Variants in ERP27 observed in about 807,000 individuals in gnomAD.
ERP27 encodes endoplasmic reticulum protein 27.
ERP27 carries 23 observed loss-of-function variants against 27.7 expected under a neutral mutation model. That is an observed-to-expected ratio of 0.83 (90% CI 0.60 to 1.18). The LOEUF is 1.18. Ranked by LOEUF, ERP27 falls within the 50% of genes most tolerant of loss-of-function variation. ERP27 has a pLI of 0.00. For synonymous variants in ERP27, 159 were observed against 118.3 expected, an observed-to-expected ratio of 1.34 and a Z score of -2.23; for missense variants, 363 against 327.9, an observed-to-expected ratio of 1.11 and a Z score of -0.83.
chr12:14,921,866 G>A (rs1170723463), intron 3 of ERP27, among the ~76,000 whole-genome samples: 1 of 151,724 alleles, frequency 6.6e-6, no homozygotes, highest in Non-Finnish European at 1.5e-5. Context: ...ATAACTTAAA[G>A]ATGCTTCTTT....
intron 3 of ERP27, among the ~76,000 whole-genome samples, chr12:14,929,628 T>C (rs1330943494): frequency 6.6e-6 from 1 of 152,194 alleles, no homozygotes; most frequent in Non-Finnish European, 1.5e-5. Flanking sequence ...AATAGTAAAC[T>C]GGAAATATTG....
rs953527254 is a variant in ERP27, at chr12:14,914,558, C to G, written c.*177G>C. 13 of 353,722 alleles carry G rather than the reference C, an allele frequency of 3.7e-5. No homozygotes were observed. The highest frequency in any genetic ancestry group is 1.4e-4 in the South Asian group (2 of 14,010). The allele number at this position is 353,722 out of a possible 1,614,324, so 21.9% of individuals were successfully genotyped here. On this transcript the variant is annotated 3_prime_UTR_variant, in exon 7 of 7. Transcript: ENST00000266397. Reference sequence around the variant, plus strand: ...AGATTTTAAGACAGGAAATGAAGCTCTGTGTGTGTGTGTGTGTGTGCGTGT... The same window carrying G: ...AGATTTTAAGACAGGAAATGAAGCTGTGTGTGTGTGTGTGTGTGTGCGTGT...
Position 14,917,275 on chromosome 12 carries a change from A to T in ERP27, c.479T>A (p.Ile160Asn). The T allele has an allele frequency of 6.2e-7, 1 of 1,614,142 alleles. No homozygotes were observed. The highest frequency in any genetic ancestry group is 8.5e-7 in the Non-Finnish European group (1 of 1,180,006). The change falls in exon 5 of 7, where the codon ATT (isoleucine) becomes AAT (asparagine). Residue 160 changes from isoleucine to asparagine, a missense_variant. By Grantham distance (149) the Ile-to-Asn change is moderately radical (BLOSUM62 -3). Transcript: ENST00000266397. Reference sequence around the variant, plus strand: ...CATTATCAGGAGGAGATGAATCTGAATTACGCTGTTGAATAACCCAATCAC... The same window carrying T: ...CATTATCAGGAGGAGATGAATCTGATTTACGCTGTTGAATAACCCAATCAC... The part of the protein sequence containing the change: ...VTVIGLFNSV[I>N]QIHLLLIMNK...
chr12:14,922,935 G>T (rs1336695231), intron 3 of ERP27, among the ~76,000 whole-genome samples: 1 of 152,060 alleles, frequency 6.6e-6, no homozygotes, highest in African/African-American at 2.4e-5. Context: ...ATTAGCTGGT[G>T]GTGCACGCCT....
At chr12:14,923,366 A>T (rs889212591) in intron 3 of ERP27, among the ~76,000 whole-genome samples, 7 of 151,604 alleles carry the variant, frequency 4.6e-5, no homozygotes, top group African/African-American at 9.7e-5. Flanking sequence ...TTATCTTATT[A>T]AAAAAATCTC....
At chr12:14,930,112 C>T (rs1863676292) in intron 3 of ERP27, among the ~76,000 whole-genome samples, 1 of 151,870 alleles carries the variant, frequency 6.6e-6, no homozygotes, top group South Asian at 2.1e-4. Context: ...CAGCAAACCA[C>T]CATGGCACAC....
intron 3 of ERP27, among the ~76,000 whole-genome samples, chr12:14,928,322 C>T (rs1218532709): frequency 6.6e-6 from 1 of 152,186 alleles, no homozygotes; most frequent in African/African-American, 2.4e-5. Context: ...CACTAAACAG[C>T]AAGAATCTAA....
Position 14,915,764 on chromosome 12 carries a change from G to C in ERP27, c.577-78C>G, listed in dbSNP as rs150145848. ...GATAAAGAGATACCTTGTAATTGTT[G>C]CAGCTCACACTGATTGAATTTATGG... On this transcript the variant is annotated intron_variant, in intron 5 of 6. Transcript: ENST00000266397. The C allele has an allele frequency of 6.2e-4, 788 of 1,279,526 alleles. 7 individuals are homozygous for C. Among genetic ancestry groups the C allele is most frequent in the Admixed American group, 2.8e-3 (146 of 52,958 alleles). The allele number at this position is 1,279,526 out of a possible 1,614,324, so 79.3% of individuals were successfully genotyped here.
intron 3 of ERP27, among the ~76,000 whole-genome samples, chr12:14,932,652 T>C (rs761156361): frequency 6.6e-6 from 1 of 152,244 alleles, no homozygotes; most frequent in African/African-American, 2.4e-5. Flanking sequence ...TATGGCCAAA[T>C]TTCTATCTTA....
chr12:14,938,537 T>A lies in ERP27; in HGVS notation c.-29A>T. 3 of 1,577,196 alleles carry A rather than the reference T, an allele frequency of 1.9e-6. 1 individual carries two copies. In the South Asian group the frequency reaches 3.4e-5, roughly 18 times the overall value. ...CCCTCTCCTGCTCCTGCTCCAACCC[T>A]GGACTTTGTGTTGGGGAGGCCGACT... On this transcript the variant is annotated 5_prime_UTR_variant, in exon 1 of 7. Coordinates refer to ENST00000266397, the MANE Select transcript of ERP27 (RefSeq NM_152321.4).
At chr12:14,929,642 C>T (rs1195131319) in intron 3 of ERP27, among the ~76,000 whole-genome samples, 1 of 152,086 alleles carries the variant, frequency 6.6e-6, no homozygotes, top group Non-Finnish European at 1.5e-5. Context: ...AATATTGCTA[C>T]CTTAAAACAT....
At chr12:14,931,716 A>T (rs1863700263) in intron 3 of ERP27, among the ~76,000 whole-genome samples, 6 of 152,134 alleles carry the variant, frequency 3.9e-5, no homozygotes, top group Admixed American at 3.9e-4. Flanking sequence ...CTGTTAGAGG[A>T]TGTTAAACCT....
At position 14,915,674 on chromosome 12, in the gene ERP27, G is replaced by C; in HGVS notation, c.589C>G (p.Leu197Val). Residue 197 changes from leucine (L) to valine (V), a missense_variant, in exon 6 of 7, where the codon CTG becomes GTG. Physicochemically the swap from Leu to Val is conservative, Grantham distance 32 (BLOSUM62 1). Coordinates refer to ENST00000266397, the MANE Select transcript of ERP27 (RefSeq NM_152321.4). ...KLFQGKILFI[L>V]VDSGMKENGK... ...TTTTCTTTCATACCACTGTCCACCAGAATAAAGAGAATCTGCAGTTGGGGA... is the reference window on the plus strand; with the variant it reads ...TTTTCTTTCATACCACTGTCCACCACAATAAAGAGAATCTGCAGTTGGGGA... 15 of 1,612,658 alleles carry C rather than the reference G, an allele frequency of 9.3e-6. No individual in the cohort carries two copies. Among genetic ancestry groups the C allele is most frequent in the Non-Finnish European group, 1.2e-5 (14 of 1,178,812 alleles).
At chr12:14,920,834 A>G (rs1328057999) in intron 4 of ERP27, 98 bp downstream of exon 4, 7 of 864,996 alleles carry the variant, frequency 8.1e-6, no homozygotes, top group Non-Finnish European at 1.1e-5. Flanking sequence ...TATTGGTCGA[A>G]GAATTGGAAC....
Position 14,914,612 on chromosome 12 carries a change from A to T in ERP27, c.*123T>A. ...TGTGCACGCGTGCGTGCGTGTGTGC[A>T]CGTGCGTGTGTGTGTGGTTGGCAGG... On this transcript the variant is annotated 3_prime_UTR_variant, in exon 7 of 7. Transcript: ENST00000266397. The T allele has an allele frequency of 1.4e-6, 1 of 740,362 alleles. No homozygotes were observed. 45.9% of individuals were successfully genotyped at this position (740,362 alleles called of 1,614,324 possible). A position where few individuals can be genotyped will look rare whatever the true frequency, so the allele number is the denominator to read the frequency against.
rs181949363 is a variant in ERP27 at position 14,938,397 on chromosome 12, A to C, written c.94+18T>G. 1.2e-6 allele frequency: 2 copies of C among 1,613,016 alleles called. No individual in the cohort carries two copies. The highest frequency in any genetic ancestry group is 3.3e-5 in the Admixed American group (2 of 60,016). On this transcript the variant is annotated intron_variant, in intron 1 of 6. Coordinates refer to ENST00000266397, the MANE Select transcript of ERP27 (RefSeq NM_152321.4). ...AACACTTTCACACTATAGCCACCCA[A>C]CTACATTTTTCTTTTACCTGAGGAT... is the stretch of plus-strand genomic sequence containing the variant.
intron 3 of ERP27, among the ~76,000 whole-genome samples, chr12:14,921,851 C>A (rs1247477972): frequency 6.6e-6 from 1 of 151,890 alleles, no homozygotes; most frequent in Non-Finnish European, 1.5e-5. Context: ...TTCCTTTATA[C>A]CTTTATAACT....
intron 5 of ERP27, 92 bp from the exon 6 acceptor site, chr12:14,915,778 T>A: frequency 8.9e-7 from 1 of 1,124,672 alleles, no homozygotes; most frequent in Non-Finnish European, 1.3e-6. Flanking sequence ...CTCACACTGA[T>A]TGAATTTATG....
At chr12:14,918,869 A>C (rs1863455016) in intron 4 of ERP27, among the ~76,000 whole-genome samples, 1 of 152,184 alleles carries the variant, frequency 6.6e-6, no homozygotes. Flanking sequence ...CTCTTGTTTT[A>C]CTAAATCCTG....
Sources: allele counts gnomAD v4.1 joint callset (sites outside exome capture counted in the v4.1 genomes callset), GRCh38; gene constraint gnomAD v4.1.1; transcripts MANE v1.5; gene names NCBI Gene and HGNC (gene_info 2026-07-23, HGNC 2026-07-21).